Variants in STX8 observed in about 807,000 individuals in gnomAD.
STX8 encodes syntaxin-8.
STX8 carries 23 observed loss-of-function variants against 37.5 expected under a neutral mutation model. The observed-to-expected ratio is 0.61, with a 90% CI of 0.44 to 0.87. The LOEUF (loss-of-function observed/expected upper bound fraction) is 0.87. Ranked by LOEUF, STX8 falls within the 40% of genes least tolerant of loss-of-function variation. The probability of loss-of-function intolerance (pLI) is 0.00; values close to 1 mark genes in which losing one functional copy is unlikely to be tolerated. For synonymous variants in STX8, 115 were observed against 99.1 expected (o/e 1.16, Z -0.95); for missense variants, 313 against 284.7 (o/e 1.10, Z -0.71).
chr17:9,412,938 T>G (rs1195196638), intron 6 of STX8, among the ~76,000 whole-genome samples: 1 of 152,018 alleles, frequency 6.6e-6, no homozygotes, highest in East Asian at 1.9e-4. Flanking sequence ...TTTCCGAACA[T>G]GATTAGATGT....
chr17:9,262,050 C>T (rs183899468), intron 7 of STX8, among the ~76,000 whole-genome samples: 26 of 152,252 alleles, frequency 1.7e-4, no homozygotes, highest in Non-Finnish European at 2.6e-4. Context: ...CCTGGCAGGG[C>T]GACACCAGGG....
At chr17:9,282,914 T>TC in intron 7 of STX8, among the ~76,000 whole-genome samples, 1 of 151,822 alleles carries the variant, frequency 6.6e-6, no homozygotes, top group South Asian at 2.1e-4. Flanking sequence ...CTTTTTTTTT[T>TC]TTCTTTCTTT....
At chr17:9,301,545 C>T (rs1008818583) in intron 7 of STX8, among the ~76,000 whole-genome samples, 17 of 151,758 alleles carry the variant, frequency 1.1e-4, no homozygotes, top group African/African-American at 2.7e-4. Context: ...TGCAGTGGCG[C>T]GATCTCGGCT....
At chr17:9,405,340 C>A (rs754360744) in intron 6 of STX8, among the ~76,000 whole-genome samples, 3 of 152,080 alleles carry the variant, frequency 2.0e-5, no homozygotes, top group Non-Finnish European at 4.4e-5. Context: ...CAGTGTTGAA[C>A]CTTTGGGGTT....
intron 7 of STX8, among the ~76,000 whole-genome samples, chr17:9,364,345 T>C (rs1411767838): frequency 6.6e-6 from 1 of 152,200 alleles, no homozygotes; most frequent in Non-Finnish European, 1.5e-5. Flanking sequence ...GTATATATTA[T>C]CTTCATGATG....
At chr17:9,272,016 A>G (rs1166461545) in intron 7 of STX8, among the ~76,000 whole-genome samples, 1 of 152,156 alleles carries the variant, frequency 6.6e-6, no homozygotes, top group South Asian at 2.1e-4. Context: ...CCTGCTGATG[A>G]TGCACCCCGA....
intron 7 of STX8, among the ~76,000 whole-genome samples, chr17:9,304,924 A>AATAT (rs1469514690): frequency 6.7e-5 from 9 of 135,006 alleles, no homozygotes; most frequent in Admixed American, 2.1e-4. Context: ...CGAAAAAAAA[A>AATAT]ATATGTATAT....
rs77943018 is a variant in STX8, at chr17:9,355,991, T to C, written c.643+22561A>G. Among the ~76,000 whole-genome samples, 47 of 152,272 alleles carry C rather than the reference T, an allele frequency of 3.1e-4. 1 individual carries two copies. In the East Asian group the frequency reaches 8.5e-3, roughly 28 times the overall value. On this transcript the variant is annotated intron_variant, in intron 7 of 7. Transcript: ENST00000306357. ...TGAAACTGCCAGGAGTGACCACTGA[T>C]CCTTCCCATTCATTGCTTTTTTTCA...
At chr17:9,295,858 A>G (rs1399231975) in intron 7 of STX8, among the ~76,000 whole-genome samples, 2 of 122,128 alleles carry the variant, frequency 1.6e-5, no homozygotes, top group Non-Finnish European at 4.0e-5. Context: ...CAGCCTGGCC[A>G]ACATGGTGAA....
chr17:9,281,622 T>C (rs1033761293), intron 7 of STX8, among the ~76,000 whole-genome samples: 12 of 152,030 alleles, frequency 7.9e-5, no homozygotes, highest in Admixed American at 6.5e-4. Flanking sequence ...GCAGACACAG[T>C]CCCTTGGAGT....
At chr17:9,331,617 GA>G (rs1243771084) in intron 7 of STX8, among the ~76,000 whole-genome samples, 2 of 152,188 alleles carry the variant, frequency 1.3e-5, no homozygotes, top group Admixed American at 1.3e-4. Flanking sequence ...GCTAATCAAT[GA>G]ATTGGACGTT....
intron 5 of STX8, among the ~76,000 whole-genome samples, chr17:9,500,684 A>G (rs1904577404): frequency 6.6e-6 from 1 of 152,214 alleles, no homozygotes; most frequent in Admixed American, 6.5e-5. Context: ...TTAGAAATTG[A>G]TATTTTAAAA....
intron 6 of STX8, among the ~76,000 whole-genome samples, chr17:9,398,072 T>G (rs958089645): frequency 6.6e-6 from 1 of 152,102 alleles, no homozygotes; most frequent in Non-Finnish European, 1.5e-5. Context: ...CCAGCTAGTT[T>G]ATGTAAATAC....
intron 7 of STX8, among the ~76,000 whole-genome samples, chr17:9,317,194 A>G (rs1178601983): frequency 1.3e-5 from 2 of 152,198 alleles, no homozygotes; most frequent in African/African-American, 4.8e-5. Context: ...CAGTGGTGAA[A>G]GAAAGAGCTC....
intron 7 of STX8, among the ~76,000 whole-genome samples, chr17:9,354,439 G>A (rs375773712): frequency 8.7e-5 from 13 of 150,158 alleles, no homozygotes; most frequent in Middle Eastern, 3.4e-3. Context: ...CTCCTGCCTC[G>A]GCTTCCCGAG....
chr17:9,331,505 C>G (rs931438714), intron 7 of STX8, among the ~76,000 whole-genome samples: 2 of 152,156 alleles, frequency 1.3e-5, no homozygotes, highest in African/African-American at 2.4e-5. Context: ...TGCGAGGTGG[C>G]TGCAGTAATG....
At chr17:9,329,050 C>CAAAAAAAAAAAAAAAAAAAAAAA in intron 7 of STX8, among the ~76,000 whole-genome samples, 1 of 28,010 alleles carries the variant, frequency 3.6e-5, no homozygotes. Context: ...GATTCCATCT[C>CAAAAAAAAAAAAAAAAAAAAAAA]AAAAAAAAAA....
chr17:9,470,167 A>C (rs148855608), intron 6 of STX8, among the ~76,000 whole-genome samples: 13 of 152,332 alleles, frequency 8.5e-5, no homozygotes, highest in African/African-American at 3.1e-4. Flanking sequence ...TGCTTTCTCA[A>C]AGATTTCACC....
At chr17:9,384,794 T>TTTTGTGTGTGTG (rs141833380) in intron 6 of STX8, among the ~76,000 whole-genome samples, 1 of 147,656 alleles carries the variant, frequency 6.8e-6, no homozygotes, top group East Asian at 2.0e-4. Flanking sequence ...CCAGATAGAC[T>TTTTGTGTGTGTG]TGTGTGTGTG....
Sources: allele counts gnomAD v4.1 joint callset (sites outside exome capture counted in the v4.1 genomes callset), GRCh38; gene constraint gnomAD v4.1.1; transcripts MANE v1.5; gene names NCBI Gene and HGNC (gene_info 2026-07-23, HGNC 2026-07-21).